The following STAC2 variants were observed in gnomAD, a reference collection of about 807,000 sequenced individuals.
STAC2 encodes SH3 and cysteine-rich domain-containing protein 2.
Under a neutral mutation model 49.0 loss-of-function variants are expected in STAC2, and 36 were observed. The ratio of observed to expected loss-of-function variants is 0.74; its 90% CI spans 0.56 to 0.97. The LOEUF is 0.97. Among genes scored for constraint, STAC2 ranks in the 50% least tolerant of loss-of-function variants. STAC2 has a pLI of 0.00. For synonymous variants in STAC2, 239 were observed against 214.7 expected (o/e 1.11, Z -0.99); for missense variants, 527 against 543.8 (o/e 0.97, Z 0.31).
chr17:39,225,365 G>A lies in STAC2; in HGVS notation c.90+48C>T, dbSNP rs1427344208. 8 of 1,518,164 alleles carry A rather than the reference G, an allele frequency of 5.3e-6. No homozygotes were observed. The Admixed American group carries it at 1.2e-4, about 22-fold the overall frequency. 94.0% of individuals were successfully genotyped at this position (1,518,164 alleles called of 1,614,324 possible). On this transcript the variant is annotated intron_variant, in intron 1 of 10. Transcript: ENST00000333461. This position sits in a 1 kb window ranked among gnomAD's most constrained non-coding sequence, Gnocchi z 8.2. ...CCACAGGAGGACCCCGCCGGGAAGAGGGCGCCCGGGCCCGGGGCGCGGACA... is the reference window on the plus strand; with the variant it reads ...CCACAGGAGGACCCCGCCGGGAAGAAGGCGCCCGGGCCCGGGGCGCGGACA...
chr17:39,214,136 G>A (rs564692752), intron 8 of STAC2, 97 bp downstream of exon 8: 1 of 1,364,786 alleles, frequency 7.3e-7, no homozygotes, highest in African/African-American at 1.4e-5. Flanking sequence ...GCAGCCTCAA[G>A]CATGCAAGAA....
At chr17:39,223,430 G>A (rs1391657822) in intron 1 of STAC2, among the ~76,000 whole-genome samples, 5 of 152,216 alleles carry the variant, frequency 3.3e-5, no homozygotes, top group Non-Finnish European at 4.4e-5. Context: ...GCGGAGGGCC[G>A]GGGCTCCAGC....
In STAC2 at chr17:39,225,389, C is replaced by T. The variant is rs2144269324; in HGVS notation, c.90+24G>A. Reference sequence around the variant, plus strand: ...AGGGCGCCCGGGCCCGGGGCGCGGACAGGCCTTGCGCCCCCCAAGTTACCT... The same window carrying T: ...AGGGCGCCCGGGCCCGGGGCGCGGATAGGCCTTGCGCCCCCCAAGTTACCT... On this transcript the variant is annotated intron_variant, in intron 1 of 10. Coordinates refer to ENST00000333461, the MANE Select transcript of STAC2 (RefSeq NM_198993.5). This position sits in a 1 kb window ranked among gnomAD's most constrained non-coding sequence, Gnocchi z 8.2. The T allele has an allele frequency of 3.8e-6, 6 of 1,579,568 alleles. No homozygotes were observed. Among genetic ancestry groups the T allele is most frequent in the Non-Finnish European group, 5.1e-6 (6 of 1,166,982 alleles).
rs760074901 is a variant in STAC2 at position 39,212,310 on chromosome 17, G to A, written c.1218C>T (p.Asp406=). Residue 406 remains aspartate, a synonymous_variant, in exon 11 of 11, where the codon GAC becomes GAT. Transcript: ENST00000333461. Reference sequence around the variant, plus strand: ...GCTCCTCTCAGATCTCAGTCAGGGCGTCGACTGGCACCAGGCCCCGCTTCT... The same window carrying A: ...GCTCCTCTCAGATCTCAGTCAGGGCATCGACTGGCACCAGGCCCCGCTTCT... ...SGKKRGLVPV[D]ALTEI is the part of the protein sequence containing the mutation. The A allele has an allele frequency of 1.6e-4, 258 of 1,610,592 alleles. 1 individual carries two copies. Among genetic ancestry groups the A allele is most frequent in the Non-Finnish European group, 3.3e-5 (39 of 1,178,304 alleles).
In STAC2 at chr17:39,217,157, G is replaced by A. The variant is rs1340304483; in HGVS notation, c.414C>T (p.Gly138=). ...HQLIVGNSKQ[G]LRCKMCKVSV... is the part of the protein sequence containing the mutation. ...TGACTTTGCACATCTTACATCGCAA[G>A]CCCTGTTTGGAGTTTCCTAGGAAGA... The change falls in exon 3 of 11, where the codon GGC becomes GGT. Residue 138 remains glycine, a synonymous_variant. Coordinates refer to ENST00000333461, the MANE Select transcript of STAC2 (RefSeq NM_198993.5). 1 of 1,613,750 alleles carries A rather than the reference G, an allele frequency of 6.2e-7. No homozygotes were observed. Among genetic ancestry groups the A allele is most frequent in the Non-Finnish European group, 8.5e-7 (1 of 1,179,880 alleles).
Position 39,225,634 on chromosome 17 carries a change from G to A in STAC2, c.-132C>T. 2.3e-6 allele frequency: 2 copies of A among 872,092 alleles called. No homozygotes were observed. Among genetic ancestry groups the A allele is most frequent in the Non-Finnish European group, 3.6e-6 (2 of 550,736 alleles). The allele number at this position is 872,092 out of a possible 1,614,324, so 54.0% of individuals were successfully genotyped here. ...GCTGCCCCCAGTTAGCCCCCGGCAC[G>A]GCAGCCCCCAACCCGCGGGAGCGGG... On this transcript the variant is annotated 5_prime_UTR_variant, in exon 1 of 11. Transcript: ENST00000333461. The surrounding 1 kb of genome is among the most constrained non-coding windows in gnomAD (Gnocchi z 8.2).
intron 7 of STAC2, chr17:39,214,531 C>A: frequency 3.3e-6 from 3 of 897,074 alleles, no homozygotes; most frequent in Non-Finnish European, 4.0e-6. Context: ...GAGGGGAGCC[C>A]CCTTCTGCCT....
Position 39,217,159 on chromosome 17 carries a change from C to T in STAC2, c.412G>A (p.Gly138Ser). The change falls in exon 3 of 11, where the codon GGC (glycine) becomes AGC (serine). Residue 138 changes from glycine to serine, a missense_variant. Transcript: ENST00000333461. ...ACTTTGCACATCTTACATCGCAAGC[C>T]CTGTTTGGAGTTTCCTAGGAAGAAT... Reference protein sequence around the residue: ...HQLIVGNSKQGLRCKMCKVSV... With the variant: ...HQLIVGNSKQSLRCKMCKVSV... The T allele has an allele frequency of 6.2e-7, 1 of 1,613,690 alleles. No homozygotes were observed. The highest frequency in any genetic ancestry group is 8.5e-7 in the Non-Finnish European group (1 of 1,179,854).
intron 1 of STAC2, 39 bp from the exon 2 acceptor site, chr17:39,218,212 G>A: frequency 6.2e-7 from 1 of 1,610,988 alleles, no homozygotes; most frequent in Non-Finnish European, 8.5e-7. Flanking sequence ...GGAGCCTAGA[G>A]GGGGCTGGCC....
intron 1 of STAC2, among the ~76,000 whole-genome samples, chr17:39,224,801 G>A (rs978101556): frequency 5.3e-5 from 8 of 152,096 alleles, no homozygotes; most frequent in Non-Finnish European, 1.0e-4. Flanking sequence ...GCTGCTGCAG[G>A]CCCCCTCGCG....
In STAC2 at chr17:39,214,334, C is replaced by A; in HGVS notation, c.844-4G>T. ...TCCGCAGGGTGGCTTTGGGGAGCTG[C>A]GGGAGAATCTCTGGGTCGGTGACCG... On this transcript the variant is annotated splice_polypyrimidine_tract_variant and splice_region_variant and intron_variant, in intron 7 of 10. Transcript: ENST00000333461. 6.2e-7 allele frequency: 1 copy of A among 1,613,724 alleles called. No individual in the cohort carries two copies. The highest frequency in any genetic ancestry group is 8.5e-7 in the Non-Finnish European group (1 of 1,179,798).
At chr17:39,216,998 C>T in intron 3 of STAC2, 78 bp downstream of exon 3, 1 of 1,598,024 alleles carries the variant, frequency 6.3e-7, no homozygotes, top group Non-Finnish European at 8.6e-7. Context: ...GAAGGAGCAG[C>T]CCTGAGGGAT....
At chr17:39,214,918 C>A (rs760951256) in intron 6 of STAC2, 33 bp downstream of exon 6, 1 of 1,613,946 alleles carries the variant, frequency 6.2e-7, no homozygotes, top group Admixed American at 1.7e-5. Context: ...CCATTGTACC[C>A]CATTCCTGCC....
At chr17:39,216,239 C>T (rs770048785) in intron 4 of STAC2, among the ~76,000 whole-genome samples, 23 of 152,104 alleles carry the variant, frequency 1.5e-4, no homozygotes, top group Non-Finnish European at 3.1e-4. Context: ...GCCTCAGCCT[C>T]CCAAGTAGCT....
rs1172042000 is a variant in STAC2 at position 39,225,421 on chromosome 17, C to A, written c.82G>T (p.Glu28Ter). Residue 28 changes from glutamate to a stop codon, truncating the protein, a stop_gained, in exon 1 of 11, where the codon GAA becomes TAA. Transcript: ENST00000333461. LOFTEE classifies it high-confidence loss of function. This position sits in a 1 kb window ranked among gnomAD's most constrained non-coding sequence, Gnocchi z 8.2. ...TGCGCCCCCCAAGTTACCTTGGTTT[C>A]CTGGAGGGCGGAGACGGTCCCTGGG... is the stretch of plus-strand genomic sequence containing the variant. ...SPPGTVSALQ[E>*]TKLQRFKRSL... is the part of the protein sequence containing the mutation. 1.2e-6 allele frequency: 2 copies of A among 1,603,916 alleles called. No individual in the cohort carries two copies. The highest frequency in any genetic ancestry group is 1.7e-6 in the Non-Finnish European group (2 of 1,177,054).
intron 1 of STAC2, among the ~76,000 whole-genome samples, chr17:39,221,365 C>T (rs1291409868): frequency 6.6e-6 from 1 of 152,110 alleles, no homozygotes; most frequent in African/African-American, 2.4e-5. Flanking sequence ...TCCCAAAGTG[C>T]TGGGATTACA....
intron 8 of STAC2, 133 bp downstream of exon 8, chr17:39,214,100 G>T: frequency 1.0e-6 from 1 of 970,304 alleles, no homozygotes; most frequent in Non-Finnish European, 1.6e-6. Flanking sequence ...TAGACCCTGG[G>T]CAGTTCCAGC....
chr17:39,215,061 C>A, intron 5 of STAC2, 38 bp from the exon 6 acceptor site: 4 of 1,614,092 alleles, frequency 2.5e-6, no homozygotes, highest in Non-Finnish European at 2.5e-6. Context: ...GCCCCCGAGC[C>A]CACTGTCATG....
At chr17:39,222,349 G>A (rs773206153) in intron 1 of STAC2, among the ~76,000 whole-genome samples, 24 of 152,318 alleles carry the variant, frequency 1.6e-4, no homozygotes, top group Admixed American at 9.1e-4. Flanking sequence ...TCTGCCGGCC[G>A]ACTCCCTGGC....
Sources: gnomAD v4.1 joint callset for allele counts (sites outside exome capture counted in the v4.1 genomes callset) on GRCh38, gnomAD v4.1.1 for gene constraint, Gnocchi (gnomAD v3.1) non-coding constraint, MANE v1.5 for transcripts, NCBI Gene and HGNC (gene_info 2026-07-23, HGNC 2026-07-21) for gene names.